Variants in ST8SIA1 observed in about 807,000 individuals in gnomAD.
The protein encoded by ST8SIA1 is alpha-N-acetylneuraminide alpha-2,8-sialyltransferase.
ST8SIA1 carries 16 observed loss-of-function variants against 35.9 expected under a neutral mutation model. The observed-to-expected ratio is 0.45, with a 90% CI of 0.30 to 0.68. The LOEUF (loss-of-function observed/expected upper bound fraction) is 0.68. Ranked by LOEUF, ST8SIA1 falls within the 30% of genes least tolerant of loss-of-function variation. ST8SIA1 has a pLI of 0.09. For synonymous variants in ST8SIA1, 170 were observed against 169.6 expected (o/e 1.00, Z -0.02); for missense variants, 383 against 453.6 (o/e 0.84, Z 1.41).
At chr12:22,312,052 C>T (rs189944815) in intron 1 of ST8SIA1, among the ~76,000 whole-genome samples, 22 of 152,124 alleles carry the variant, frequency 1.4e-4, no homozygotes, top group East Asian at 1.2e-3. Flanking sequence ...GTACATAAAC[C>T]ACAACTGAGA....
intron 2 of ST8SIA1, among the ~76,000 whole-genome samples, chr12:22,283,050 T>G (rs1262039231): frequency 6.6e-6 from 1 of 152,150 alleles, no homozygotes; most frequent in Non-Finnish European, 1.5e-5. Context: ...CTCCAAAATA[T>G]CCTGCTGGGT....
intron 3 of ST8SIA1, among the ~76,000 whole-genome samples, chr12:22,254,370 C>T (rs923025643): frequency 3.9e-5 from 6 of 152,104 alleles, no homozygotes; most frequent in African/African-American, 1.4e-4. Context: ...ACTTACCTCA[C>T]CCCTGCTCTG....
intron 2 of ST8SIA1, 84 bp downstream of exon 2, chr12:22,287,065 G>C (rs1866109006): frequency 1.5e-6 from 2 of 1,310,002 alleles, no homozygotes; most frequent in African/African-American, 3.0e-5. Flanking sequence ...TCAATCTGAT[G>C]AGTAAGGCAA....
intron 4 of ST8SIA1, among the ~76,000 whole-genome samples, chr12:22,222,340 C>A (rs549712682): frequency 6.6e-6 from 1 of 152,002 alleles, no homozygotes; most frequent in Non-Finnish European, 1.5e-5. Flanking sequence ...AGCTGCCTCA[C>A]GAGGGAAAAA....
intron 4 of ST8SIA1, among the ~76,000 whole-genome samples, chr12:22,202,496 T>A (rs1865059685): frequency 6.6e-6 from 1 of 152,214 alleles, no homozygotes; most frequent in African/African-American, 2.4e-5. Context: ...TATGATTCTA[T>A]AAATATTCAG....
At chr12:22,273,946 A>G (rs1045260932) in intron 2 of ST8SIA1, among the ~76,000 whole-genome samples, 9 of 152,198 alleles carry the variant, frequency 5.9e-5, no homozygotes, top group African/African-American at 2.2e-4. Context: ...AATGAAAGGT[A>G]CCTGGTGCTC....
chr12:22,212,035 G>C (rs879575614), intron 4 of ST8SIA1, among the ~76,000 whole-genome samples: 6 of 152,198 alleles, frequency 3.9e-5, no homozygotes, highest in Admixed American at 6.5e-5. Flanking sequence ...TCAACACAAT[G>C]ATAAGTGAGG....
chr12:22,310,578 T>C (rs1336639608), intron 1 of ST8SIA1, among the ~76,000 whole-genome samples: 2 of 152,224 alleles, frequency 1.3e-5, no homozygotes, highest in African/African-American at 4.8e-5. Flanking sequence ...GCTGCATCTA[T>C]GCTTTCTGGA....
chr12:22,328,611 C>A (rs923751451), intron 1 of ST8SIA1, among the ~76,000 whole-genome samples: 1 of 152,106 alleles, frequency 6.6e-6, no homozygotes, highest in Admixed American at 6.5e-5. Flanking sequence ...TAGTGGTAGA[C>A]ACAGAGTAGT....
intron 2 of ST8SIA1, among the ~76,000 whole-genome samples, chr12:22,272,536 G>A (rs1054051127): frequency 3.9e-5 from 6 of 152,144 alleles, no homozygotes; most frequent in African/African-American, 1.2e-4. Context: ...GCTCCACGGC[G>A]CTACAAAGAC....
At chr12:22,232,606 G>A (rs1329673939) in intron 4 of ST8SIA1, among the ~76,000 whole-genome samples, 3 of 152,122 alleles carry the variant, frequency 2.0e-5, no homozygotes, top group Non-Finnish European at 4.4e-5. Context: ...AGGTCTCAGA[G>A]TACAAATTTA....
intron 4 of ST8SIA1, among the ~76,000 whole-genome samples, chr12:22,217,525 C>T (rs897083223): frequency 2.6e-5 from 4 of 152,094 alleles, no homozygotes; most frequent in Admixed American, 2.0e-4. Flanking sequence ...TTTGAGAAGC[C>T]TGTATGTCCC....
At chr12:22,287,770 G>A (rs56252702) in intron 1 of ST8SIA1, among the ~76,000 whole-genome samples, 4,691 of 152,260 alleles carry the variant, frequency 0.031, 258 homozygotes, top group African/African-American at 0.11. Context: ...TACACAGAGT[G>A]ACCCTAAAGA....
At position 22,197,360 on chromosome 12, in the gene ST8SIA1, C is replaced by A. The variant is rs545947199; in HGVS notation, c.*4192G>T. 1 of 152,290 alleles carries A rather than the reference C, an allele frequency of 6.6e-6. No individual in the cohort carries two copies. Among genetic ancestry groups the A allele is most frequent in the East Asian group, 1.9e-4 (1 of 5,184 alleles). The allele number at this position is 152,290 out of a possible 1,614,324, so 9.4% of individuals were successfully genotyped here. On this transcript the variant is annotated 3_prime_UTR_variant, in exon 5 of 5. Coordinates refer to ENST00000396037, the MANE Select transcript of ST8SIA1 (RefSeq NM_003034.4). ...CTGGTGGGAAAGTATTTACACAACA[C>A]AATGAACATTTCCTAAAGTTTTCAG...
intron 1 of ST8SIA1, among the ~76,000 whole-genome samples, chr12:22,314,578 T>C (rs1866493653): frequency 6.6e-6 from 1 of 152,180 alleles, no homozygotes; most frequent in Admixed American, 6.5e-5. Flanking sequence ...TTCCATGATA[T>C]AGAGCAAGAG....
At chr12:22,223,834 C>A in intron 4 of ST8SIA1, 1 of 1,169,756 alleles carries the variant, frequency 8.5e-7, no homozygotes, top group Non-Finnish European at 1.1e-6. Context: ...CTGCAATATC[C>A]TTAACAATAG....
rs922117131 is a variant in ST8SIA1, at chr12:22,196,882, A to T, written c.*4670T>A. ...ACACTACCTCTCTAGTCACAATGCTACTAGCTCAACTCTGGAGCCAAGGCA... is the reference window on the plus strand; with the variant it reads ...ACACTACCTCTCTAGTCACAATGCTTCTAGCTCAACTCTGGAGCCAAGGCA... On this transcript the variant is annotated 3_prime_UTR_variant, in exon 5 of 5. Transcript: ENST00000396037. 3 of 152,234 alleles carry T rather than the reference A, an allele frequency of 2.0e-5. No homozygotes were observed. Among genetic ancestry groups the T allele is most frequent in the Admixed American group, 6.5e-5 (1 of 15,270 alleles). 9.4% of individuals were successfully genotyped at this position (152,234 alleles called of 1,614,324 possible). A position where few individuals can be genotyped will look rare whatever the true frequency, so the allele number is the denominator to read the frequency against.
chr12:22,308,374 A>G (rs1318354356), intron 1 of ST8SIA1, among the ~76,000 whole-genome samples: 1 of 152,226 alleles, frequency 6.6e-6, no homozygotes, highest in Non-Finnish European at 1.5e-5. Context: ...CAGTTTTCTC[A>G]GTGTGATCTT....
intron 1 of ST8SIA1, among the ~76,000 whole-genome samples, chr12:22,315,111 A>G (rs922396540): frequency 2.0e-5 from 3 of 152,210 alleles, no homozygotes; most frequent in African/African-American, 7.2e-5. Flanking sequence ...CACTAGTTAC[A>G]ATTACCTGGA....
Sources: gnomAD v4.1 joint callset for allele counts (sites outside exome capture counted in the v4.1 genomes callset) on GRCh38, gnomAD v4.1.1 for gene constraint, MANE v1.5 for transcripts, NCBI Gene and HGNC (gene_info 2026-07-23, HGNC 2026-07-21) for gene names.